Variants in PLD5 observed in about 807,000 individuals in gnomAD.
PLD5 encodes the protein inactive phospholipase D5.
A neutral mutation model predicts 61.1 loss-of-function variants in PLD5; 36 were observed. The observed-to-expected ratio is 0.59, with a 90% confidence interval of 0.45 to 0.78. The LOEUF (loss-of-function observed/expected upper bound fraction) is 0.78. Among genes scored for constraint, PLD5 ranks in the 30% least tolerant of loss-of-function variants. PLD5 has a pLI of 0.00. For synonymous variants in PLD5, 243 were observed against 242.8 expected (o/e 1.00, Z -0.01); for missense variants, 515 against 644.4 (o/e 0.80, Z 2.17).
Position 242,153,785 on chromosome 1 carries a change from C to T in PLD5, c.736-29120G>A, listed in dbSNP as rs181932957. On this transcript the variant is annotated intron_variant, in intron 5 of 9. Coordinates refer to ENST00000536534, the MANE Select transcript of PLD5 (RefSeq NM_001372062.1). ...GTAGTATAGTTTGAAGTCAGGTAGC[C>T]TGATGCCTCCAGCTTTATTCTTTTT... 5.3e-4 allele frequency among the ~76,000 whole-genome samples: 80 copies of T among 152,168 alleles called. 2 individuals carry two copies. The South Asian group carries it at 0.016, about 30-fold the overall frequency.
chr1:242,124,003 A>G (rs1408331444), intron 6 of PLD5, among the ~76,000 whole-genome samples: 1 of 152,170 alleles, frequency 6.6e-6, no homozygotes, highest in Non-Finnish European at 1.5e-5. Flanking sequence ...TGTCTGATCT[A>G]TACACTGAGA....
intron 1 of PLD5, among the ~76,000 whole-genome samples, chr1:242,351,286 A>G (rs1356787462): frequency 6.6e-6 from 1 of 152,228 alleles, no homozygotes; most frequent in Non-Finnish European, 1.5e-5. Flanking sequence ...AGAAATAATT[A>G]TTGTATAAAT....
chr1:242,417,976 T>G, intron 1 of PLD5, among the ~76,000 whole-genome samples: 1 of 152,128 alleles, frequency 6.6e-6, no homozygotes, highest in Non-Finnish European at 1.5e-5. Flanking sequence ...TAGTTATCAC[T>G]CTAAAGGACA....
chr1:242,514,349 C>T (rs1486172970), intron 1 of PLD5, among the ~76,000 whole-genome samples: 3 of 152,278 alleles, frequency 2.0e-5, no homozygotes, highest in East Asian at 1.9e-4. Flanking sequence ...CTTACCAGTA[C>T]GAACCATCAC....
chr1:242,269,167 A>G (rs1249290918), intron 3 of PLD5, among the ~76,000 whole-genome samples: 1 of 152,152 alleles, frequency 6.6e-6, no homozygotes, highest in African/African-American at 2.4e-5. Flanking sequence ...TTTAATAAGA[A>G]ATAACAAAAG....
intron 5 of PLD5, among the ~76,000 whole-genome samples, chr1:242,198,281 T>G (rs1289541502): frequency 6.6e-6 from 1 of 152,186 alleles, no homozygotes; most frequent in Non-Finnish European, 1.5e-5. Flanking sequence ...AGGCAGAGTC[T>G]AGTCTTTAAA....
intron 6 of PLD5, among the ~76,000 whole-genome samples, chr1:242,120,376 C>T (rs1188729498): frequency 6.6e-6 from 1 of 152,096 alleles, no homozygotes; most frequent in South Asian, 2.1e-4. Flanking sequence ...TGGTCTTGAG[C>T]TGCTGACCTC....
chr1:242,266,737 G>A (rs529949815), intron 3 of PLD5, among the ~76,000 whole-genome samples: 6 of 152,360 alleles, frequency 3.9e-5, no homozygotes, highest in Admixed American at 2.6e-4. Context: ...TGTGGATAAT[G>A]ATATGGAATG....
intron 1 of PLD5, among the ~76,000 whole-genome samples, chr1:242,523,726 C>A (rs529820596): frequency 3.5e-4 from 53 of 152,328 alleles, no homozygotes; most frequent in African/African-American, 1.2e-3. Context: ...CGCTCTAAAG[C>A]CCACTACCAT....
intron 2 of PLD5, among the ~76,000 whole-genome samples, chr1:242,299,906 C>G (rs575012522): frequency 1.3e-5 from 2 of 152,182 alleles, no homozygotes; most frequent in Non-Finnish European, 2.9e-5. Context: ...GGCACCCAGG[C>G]AAAACCCCTG....
At chr1:242,183,436 T>C (rs1377440679) in intron 5 of PLD5, among the ~76,000 whole-genome samples, 46 of 152,100 alleles carry the variant, frequency 3.0e-4, no homozygotes, top group Non-Finnish European at 4.4e-5. Context: ...CCACCGCCGG[T>C]CATGGTGCTT....
intron 1 of PLD5, among the ~76,000 whole-genome samples, chr1:242,508,417 A>G (rs1668800177): frequency 6.6e-6 from 1 of 152,136 alleles, no homozygotes; most frequent in African/African-American, 2.4e-5. Flanking sequence ...GAAATGACCA[A>G]CTATATCATT....
chr1:242,144,317 A>G (rs766079421), intron 5 of PLD5, among the ~76,000 whole-genome samples: 4 of 152,094 alleles, frequency 2.6e-5, no homozygotes, highest in African/African-American at 4.8e-5. Flanking sequence ...CCCTCACACC[A>G]TAAGTCAGCT....
At chr1:242,480,389 C>G (rs555929344) in intron 1 of PLD5, among the ~76,000 whole-genome samples, 10 of 152,004 alleles carry the variant, frequency 6.6e-5, no homozygotes, top group Non-Finnish European at 1.2e-4. Context: ...AATCGAAGAG[C>G]TAAAATTCTG....
chr1:242,090,332 C>T (rs188993292), intron 9 of PLD5, among the ~76,000 whole-genome samples: 24 of 152,276 alleles, frequency 1.6e-4, no homozygotes, highest in African/African-American at 4.6e-4. Context: ...AGCTTTGCTC[C>T]GGTGGAAACT....
At chr1:242,145,297 C>G (rs1335019423) in intron 5 of PLD5, among the ~76,000 whole-genome samples, 1 of 152,174 alleles carries the variant, frequency 6.6e-6, no homozygotes, top group Admixed American at 6.5e-5. Flanking sequence ...CAAGAGTAGA[C>G]AGTTTCCTCA....
intron 7 of PLD5, among the ~76,000 whole-genome samples, chr1:242,109,074 G>T (rs1661282748): frequency 6.6e-6 from 1 of 152,226 alleles, no homozygotes; most frequent in African/African-American, 2.4e-5. Context: ...CTACAGGAAA[G>T]ATCATCTCAG....
At chr1:242,185,527 C>G (rs1667817146) in intron 5 of PLD5, among the ~76,000 whole-genome samples, 1 of 152,204 alleles carries the variant, frequency 6.6e-6, no homozygotes, top group Admixed American at 6.5e-5. Flanking sequence ...AAACAAAATT[C>G]TGTATTACTT....
In PLD5 at chr1:242,310,815, G is replaced by A. The variant is rs6688474; in HGVS notation, c.327-22285C>T. ...TTACTTTAATCCCTAGTTAAATAGG[G>A]AAGAAACCAAGGCAAAGAGAGAGCT... On this transcript the variant is annotated intron_variant, in intron 2 of 9. Transcript: ENST00000536534. Among the ~76,000 whole-genome samples, 933 of 152,212 alleles carry A rather than the reference G, an allele frequency of 6.1e-3. 9 individuals carry two copies. Among genetic ancestry groups the A allele is most frequent in the African/African-American group, 0.021 (885 of 41,528 alleles).
Sources: gnomAD v4.1 joint callset for allele counts (sites outside exome capture counted in the v4.1 genomes callset) on GRCh38, gnomAD v4.1.1 for gene constraint, MANE v1.5 for transcripts, NCBI Gene and HGNC (gene_info 2026-07-23, HGNC 2026-07-21) for gene names.